SYT1: variants seen among roughly 807,000 people sequenced by gnomAD.
SYT1 encodes the protein synaptotagmin 1, also known as synaptotagmin-1.
Under a neutral mutation model 44.8 loss-of-function variants are expected in SYT1, and 8 were observed. That is an observed-to-expected ratio of 0.18 (90% confidence interval 0.10 to 0.32). SYT1 has a LOEUF of 0.32. Among genes scored for constraint, SYT1 ranks in the 10% least tolerant of loss-of-function variants. The probability of loss-of-function intolerance (pLI) is 1.00; values close to 1 mark genes in which losing one functional copy is unlikely to be tolerated. For synonymous variants in SYT1, 154 were observed against 188.8 expected (o/e 0.82, Z 1.51); for missense variants, 286 against 509.3 (o/e 0.56, Z 4.22).
chr12:79,356,941 C>T (rs1883136284), intron 9 of SYT1, among the ~76,000 whole-genome samples: 1 of 152,150 alleles, frequency 6.6e-6, no homozygotes, highest in African/African-American at 2.4e-5. Context: ...TAACCAATTA[C>T]TTGCTTCAAT....
chr12:79,407,788 T>C (rs1015773632), intron 9 of SYT1, among the ~76,000 whole-genome samples: 3 of 152,050 alleles, frequency 2.0e-5, no homozygotes, highest in African/African-American at 7.2e-5. Context: ...GCAAAGAACA[T>C]TATAGTTTTA....
chr12:79,191,770 C>A (rs553504876), intron 3 of SYT1, among the ~76,000 whole-genome samples: 19 of 152,036 alleles, frequency 1.2e-4, no homozygotes, highest in African/African-American at 1.9e-4. Flanking sequence ...ATAACATCTC[C>A]TTTAATCCTC....
At chr12:79,378,577 G>A (rs1884093260) in intron 9 of SYT1, among the ~76,000 whole-genome samples, 1 of 152,098 alleles carries the variant, frequency 6.6e-6, no homozygotes, top group African/African-American at 2.4e-5. Context: ...GATTTGGCAG[G>A]GATTTTCAAA....
At chr12:79,103,862 G>C (rs1190073607) in intron 3 of SYT1, among the ~76,000 whole-genome samples, 3 of 152,174 alleles carry the variant, frequency 2.0e-5, no homozygotes, top group East Asian at 3.9e-4. Context: ...GCTCTCTTAA[G>C]AATATGTACT....
At chr12:79,137,276 A>G (rs1869258033) in intron 3 of SYT1, among the ~76,000 whole-genome samples, 1 of 151,882 alleles carries the variant, frequency 6.6e-6, no homozygotes, top group African/African-American at 2.4e-5. Flanking sequence ...TTGCATTTTT[A>G]ATAGAGACAG....
At chr12:79,197,731 CA>C (rs1387636579) in intron 3 of SYT1, among the ~76,000 whole-genome samples, 1 of 151,974 alleles carries the variant, frequency 6.6e-6, no homozygotes, top group Non-Finnish European at 1.5e-5. Context: ...GTTTGTTCAG[CA>C]AAAGAATAAA....
chr12:79,175,861 G>A (rs898472619), intron 3 of SYT1, among the ~76,000 whole-genome samples: 1 of 151,972 alleles, frequency 6.6e-6, no homozygotes, highest in Non-Finnish European at 1.5e-5. Flanking sequence ...GGGGGTTGGG[G>A]GGTAGCATCC....
chr12:79,082,350 T>G (rs894113985), intron 3 of SYT1, among the ~76,000 whole-genome samples: 1 of 152,180 alleles, frequency 6.6e-6, no homozygotes, highest in Non-Finnish European at 1.5e-5. Context: ...GGATAGCAAC[T>G]TTCCAGGGAG....
intron 2 of SYT1, among the ~76,000 whole-genome samples, chr12:79,024,941 G>A (rs1451702896): frequency 6.6e-6 from 1 of 151,730 alleles, no homozygotes; most frequent in Non-Finnish European, 1.5e-5. Context: ...ACTTTATGCT[G>A]CATTTATTGT....
chr12:79,398,332 C>T (rs1486485510), intron 9 of SYT1, among the ~76,000 whole-genome samples: 2 of 152,134 alleles, frequency 1.3e-5, no homozygotes, highest in African/African-American at 2.4e-5. Context: ...ATTGACTTGG[C>T]TTTTAAATAC....
At chr12:79,266,860 G>C (rs1878157090) in intron 4 of SYT1, among the ~76,000 whole-genome samples, 1 of 152,138 alleles carries the variant, frequency 6.6e-6, no homozygotes, top group African/African-American at 2.4e-5. Flanking sequence ...ATGTCCCGTG[G>C]ATACTTAGGC....
intron 1 of SYT1, chr12:78,976,730 A>T (rs926535469): frequency 5.3e-5 from 8 of 152,072 alleles, no homozygotes; most frequent in South Asian, 4.2e-4. Context: ...CAAAACCTAA[A>T]TTTTTTTTAT....
chr12:79,346,286 A>T (rs1358798761), intron 8 of SYT1, among the ~76,000 whole-genome samples: 15 of 152,196 alleles, frequency 9.9e-5, no homozygotes, highest in Admixed American at 9.8e-4. Flanking sequence ...TTGTCTAGTA[A>T]ATCATTAATT....
chr12:79,203,168 A>T (rs1873896703), intron 3 of SYT1, among the ~76,000 whole-genome samples: 1 of 152,182 alleles, frequency 6.6e-6, no homozygotes, highest in Non-Finnish European at 1.5e-5. Flanking sequence ...TACAAACTGA[A>T]TCAAACCGTA....
At chr12:78,885,070 G>T (rs1489365552) in intron 1 of SYT1, among the ~76,000 whole-genome samples, 1 of 151,796 alleles carries the variant, frequency 6.6e-6, no homozygotes, top group Admixed American at 6.6e-5. Context: ...AATGTTCGGG[G>T]ATTTGGATTT....
chr12:78,970,452 C>G (rs772136844), intron 1 of SYT1, among the ~76,000 whole-genome samples: 1 of 152,074 alleles, frequency 6.6e-6, no homozygotes, highest in Non-Finnish European at 1.5e-5. Flanking sequence ...CCTGGACTAA[C>G]TCAGTAGTAT....
chr12:79,063,804 C>T (rs1389890303), intron 3 of SYT1, among the ~76,000 whole-genome samples: 2 of 152,008 alleles, frequency 1.3e-5, no homozygotes, highest in African/African-American at 4.8e-5. Flanking sequence ...CTCCTCTATC[C>T]CCCTTGGGAA....
chr12:79,152,374 T>A (rs1471503550), intron 3 of SYT1, among the ~76,000 whole-genome samples: 3 of 152,092 alleles, frequency 2.0e-5, no homozygotes, highest in Non-Finnish European at 2.9e-5. Context: ...GACATACCTC[T>A]TCTATTGGCA....
rs142313280 is a variant in SYT1 at position 79,214,105 on chromosome 12, A to G, written c.-17-3398A>G. Among the ~76,000 whole-genome samples the G allele has an allele frequency of 4.3e-3, 654 of 152,308 alleles. 1 individual carries two copies. Among genetic ancestry groups the G allele is most frequent in the African/African-American group, 0.015 (622 of 41,570 alleles). ...AAACAATATTATCTCTCAAGATATG[A>G]AGGAATAAAAATAAAACACTAGGCA... On this transcript the variant is annotated intron_variant, in intron 3 of 10. Coordinates refer to ENST00000261205, the MANE Select transcript of SYT1 (RefSeq NM_005639.3).
Sources: gnomAD v4.1 joint callset for allele counts (sites outside exome capture counted in the v4.1 genomes callset) on GRCh38, gnomAD v4.1.1 for gene constraint, MANE v1.5 for transcripts, NCBI Gene and HGNC (gene_info 2026-07-23, HGNC 2026-07-21) for gene names.